VIT: variants seen among roughly 807,000 people sequenced by gnomAD.
The protein encoded by VIT is vitrin.
VIT carries 99 observed loss-of-function variants against 78.0 expected under a neutral mutation model. The ratio of observed to expected loss-of-function variants is 1.27; its 90% CI spans 1.08 to 1.50. The LOEUF is 1.50. Among genes scored for constraint, VIT ranks in the 40% most tolerant of loss-of-function variants. The pLI is 0.00. For synonymous variants in VIT, 374 were observed against 334.3 expected (o/e 1.12, Z -1.29); for missense variants, 1,126 against 875.3 (o/e 1.29, Z -3.61).
chr2:36,808,672 CCA>C lies in VIT; in HGVS notation c.1591_1592del (p.Gln531ValfsTer10). On this transcript the variant is annotated frameshift_variant, in exon 15 of 16. Coordinates refer to ENST00000379242, the MANE Select transcript of VIT (RefSeq NM_053276.4). LOFTEE classifies it high-confidence loss of function. The stretch of plus-strand genomic sequence containing the variant: ...GGACGGGCAACTTCCGCACCGTCCT[CCA>C]GTTTGTGACCAACCTCACCAAAGAG... Reference protein sequence around the residue: ...VGTGNFRTVLQFVTNLTKEFE... With the variant: ...VGTGNFRTVLXFVTNLTKEFE... 2 of 1,614,232 alleles carry C rather than the reference CCA, an allele frequency of 1.2e-6. No homozygotes were observed. The highest frequency in any genetic ancestry group is 1.7e-6 in the Non-Finnish European group (2 of 1,180,046).
intron 12 of VIT, among the ~76,000 whole-genome samples, chr2:36,800,016 A>C (rs1666200522): frequency 6.7e-6 from 1 of 148,300 alleles, no homozygotes. Context: ...CCAGTGTACT[A>C]CAGCCTGGAG....
chr2:36,804,682 T>G (rs181019345), intron 13 of VIT, among the ~76,000 whole-genome samples: 1 of 151,940 alleles, frequency 6.6e-6, no homozygotes, highest in African/African-American at 2.4e-5. Flanking sequence ...ATACAAAAAT[T>G]AGCTGGGTGT....
chr2:36,727,899 G>T (rs966104037), intron 2 of VIT, among the ~76,000 whole-genome samples: 2 of 152,162 alleles, frequency 1.3e-5, no homozygotes, highest in Non-Finnish European at 2.9e-5. Context: ...ATGATTACTT[G>T]ATAACAAGTA....
At chr2:36,787,823 A>T (rs923270265) in intron 12 of VIT, 9 of 456,232 alleles carry the variant, frequency 2.0e-5, no homozygotes, top group Non-Finnish European at 4.0e-5. Context: ...CTCACCAGGC[A>T]ATGGAGAAGA....
intron 6 of VIT, chr2:36,759,520 T>C: frequency 9.0e-7 from 1 of 1,113,708 alleles, no homozygotes; most frequent in Non-Finnish European, 1.1e-6. Context: ...CCAACTCAGC[T>C]TTCATGTGAA....
chr2:36,799,858 G>T (rs956118393), intron 12 of VIT, among the ~76,000 whole-genome samples: 2 of 152,014 alleles, frequency 1.3e-5, no homozygotes, highest in African/African-American at 4.8e-5. Flanking sequence ...GACCAGCCTG[G>T]CCAACATGGC....
intron 2 of VIT, among the ~76,000 whole-genome samples, chr2:36,726,110 T>C (rs1290147039): frequency 6.6e-6 from 1 of 152,008 alleles, no homozygotes; most frequent in Non-Finnish European, 1.5e-5. Flanking sequence ...TCACAATATG[T>C]ATCAAAATTT....
chr2:36,767,847 C>T (rs925124249), intron 7 of VIT, among the ~76,000 whole-genome samples: 1 of 152,004 alleles, frequency 6.6e-6, no homozygotes, highest in Non-Finnish European at 1.5e-5. Flanking sequence ...CATTTCTGCA[C>T]AGACTTATAT....
At chr2:36,789,538 G>A (rs1371322014) in intron 12 of VIT, among the ~76,000 whole-genome samples, 1 of 152,180 alleles carries the variant, frequency 6.6e-6, no homozygotes, top group Non-Finnish European at 1.5e-5. Context: ...GGCGGCCCGA[G>A]AAGGGTATGA....
chr2:36,767,884 C>G (rs936499170), intron 7 of VIT, among the ~76,000 whole-genome samples: 4 of 152,224 alleles, frequency 2.6e-5, no homozygotes, highest in Non-Finnish European at 5.9e-5. Context: ...TAATAAGCAT[C>G]TATCTCACTT....
intron 12 of VIT, among the ~76,000 whole-genome samples, chr2:36,788,296 T>G (rs958556737): frequency 2.0e-5 from 3 of 152,192 alleles, no homozygotes; most frequent in Admixed American, 6.5e-5. Flanking sequence ...CTCCAGCGCC[T>G]TCAGAGGTTT....
intron 15 of VIT, among the ~76,000 whole-genome samples, chr2:36,813,148 C>G (rs1253388126): frequency 6.8e-6 from 1 of 146,126 alleles, no homozygotes; most frequent in Non-Finnish European, 1.5e-5. Context: ...CCTGTTTTTG[C>G]TTTTTTAAAA....
At chr2:36,750,343 T>C (rs1326786842) in intron 4 of VIT, among the ~76,000 whole-genome samples, 4 of 152,210 alleles carry the variant, frequency 2.6e-5, no homozygotes, top group Non-Finnish European at 4.4e-5. Context: ...AGTGTCTGTG[T>C]AGAAAGTGAC....
intron 3 of VIT, among the ~76,000 whole-genome samples, chr2:36,731,092 T>G (rs544271355): frequency 2.0e-4 from 31 of 152,070 alleles, no homozygotes; most frequent in African/African-American, 7.5e-4. Flanking sequence ...GGCTTTAAAC[T>G]GTCTTCTGCT....
intron 3 of VIT, among the ~76,000 whole-genome samples, chr2:36,730,301 A>C (rs1667116081): frequency 6.7e-6 from 1 of 149,086 alleles, no homozygotes; most frequent in Non-Finnish European, 1.5e-5. Flanking sequence ...AAAAAAAAAC[A>C]GGGGGAAAAA....
chr2:36,784,254 C>A (rs1235183475), intron 11 of VIT, among the ~76,000 whole-genome samples: 1 of 152,184 alleles, frequency 6.6e-6, no homozygotes, highest in African/African-American at 2.4e-5. Flanking sequence ...AGTCAGCCAC[C>A]AATGGACAGT....
chr2:36,774,129 A>C (rs1669918564), intron 8 of VIT, among the ~76,000 whole-genome samples: 1 of 152,184 alleles, frequency 6.6e-6, no homozygotes, highest in Admixed American at 6.5e-5. Context: ...ACAGACCTGA[A>C]AAGGGGCACT....
chr2:36,809,990 C>CAAAAAAAAAAAAA (rs36123287), intron 15 of VIT, among the ~76,000 whole-genome samples: 1 of 100,772 alleles, frequency 9.9e-6, no homozygotes, highest in African/African-American at 5.0e-5. Flanking sequence ...GATCCTGTCT[C>CAAAAAAAAAAAAA]AAAAAAAAAA....
chr2:36,804,604 G>A (rs575653496), intron 13 of VIT, among the ~76,000 whole-genome samples: 1 of 152,252 alleles, frequency 6.6e-6, no homozygotes, highest in African/African-American at 2.4e-5. Flanking sequence ...GGCCGAGGCA[G>A]GCAGATCACA....
Sources: gnomAD v4.1 joint callset for allele counts (sites outside exome capture counted in the v4.1 genomes callset) on GRCh38, gnomAD v4.1.1 for gene constraint, MANE v1.5 for transcripts, NCBI Gene and HGNC (gene_info 2026-07-23, HGNC 2026-07-21) for gene names.